The following SLIT3 variants were observed in gnomAD, a reference collection of about 807,000 sequenced individuals.
SLIT3 encodes the protein slit guidance ligand 3.
In SLIT3, 68 loss-of-function variants were observed where a neutral mutation model predicts 184.0. The ratio of observed to expected loss-of-function variants is 0.37; its 90% CI spans 0.30 to 0.45. The LOEUF is 0.45. Among genes scored for constraint, SLIT3 ranks in the 20% least tolerant of loss-of-function variants. The pLI is 1.00. For missense variants in SLIT3, 1,707 were observed against 2,026.0 expected, an observed-to-expected ratio of 0.84 and a Z score of 3.02; for synonymous variants, 831 against 828.6, an observed-to-expected ratio of 1.00 and a Z score of -0.05.
intron 3 of SLIT3, among the ~76,000 whole-genome samples, chr5:169,215,637 G>A (rs1764410627): frequency 6.6e-6 from 1 of 152,170 alleles, no homozygotes; most frequent in Admixed American, 6.5e-5. Flanking sequence ...GGCCAAATTT[G>A]GCCCATGGCT....
intron 3 of SLIT3, among the ~76,000 whole-genome samples, chr5:169,224,138 C>G (rs1183514518): frequency 6.6e-6 from 1 of 152,162 alleles, no homozygotes; most frequent in Non-Finnish European, 1.5e-5. Flanking sequence ...CTCATTTAAG[C>G]TCACTGGGTC....
At chr5:168,744,714 C>A (rs1323443554) in intron 20 of SLIT3, among the ~76,000 whole-genome samples, 1 of 152,188 alleles carries the variant, frequency 6.6e-6, no homozygotes, top group African/African-American at 2.4e-5. Context: ...GCATATTTTG[C>A]TGAATATTTT....
intron 4 of SLIT3, among the ~76,000 whole-genome samples, chr5:169,050,656 C>T (rs1223994729): frequency 6.6e-6 from 1 of 151,970 alleles, no homozygotes; most frequent in Non-Finnish European, 1.5e-5. Context: ...ACCACTGCCC[C>T]CTTTGAACTG....
chr5:169,062,012 G>A (rs1349689017), intron 4 of SLIT3, among the ~76,000 whole-genome samples: 4 of 151,928 alleles, frequency 2.6e-5, no homozygotes, highest in East Asian at 1.9e-4. Context: ...GTGAAACCCC[G>A]TCTCTACTAA....
chr5:168,686,083 G>T (rs1582528212), intron 30 of SLIT3, among the ~76,000 whole-genome samples, 156 bp from the exon 31 acceptor site: 1 of 152,224 alleles, frequency 6.6e-6, no homozygotes, highest in Non-Finnish European at 1.5e-5. Context: ...ACTAACCGGG[G>T]CAAGACCTTT....
chr5:168,692,561 A>C, intron 29 of SLIT3, 46 bp downstream of exon 29: 1 of 1,357,486 alleles, frequency 7.4e-7, no homozygotes, highest in Non-Finnish European at 1.1e-6. Flanking sequence ...TGTTAGAGGC[A>C]GAGTTTTCAT....
intron 4 of SLIT3, among the ~76,000 whole-genome samples, chr5:168,980,736 A>G (rs1205619585): frequency 6.6e-6 from 1 of 152,246 alleles, no homozygotes; most frequent in East Asian, 1.9e-4. Flanking sequence ...AACACTATTG[A>G]TAACAGCAGA....
intron 4 of SLIT3, among the ~76,000 whole-genome samples, chr5:169,152,822 G>C (rs550282462): frequency 6.6e-6 from 1 of 152,180 alleles, no homozygotes; most frequent in Non-Finnish European, 1.5e-5. Flanking sequence ...GTGAGGGGCT[G>C]TAATGACACC....
chr5:168,744,500 AGAG>A (rs1337783077), intron 20 of SLIT3, among the ~76,000 whole-genome samples: 4 of 152,318 alleles, frequency 2.6e-5, no homozygotes, highest in African/African-American at 4.8e-5. Context: ...TCACAGATAG[AGAG>A]GAGAAGTCAA....
intron 3 of SLIT3, among the ~76,000 whole-genome samples, chr5:169,211,718 C>A (rs1274592078): frequency 6.6e-6 from 1 of 152,154 alleles, no homozygotes; most frequent in East Asian, 1.9e-4. Context: ...TATACACGTG[C>A]CTTGGGGGGT....
chr5:169,239,248 T>G (rs1765310333), intron 3 of SLIT3, among the ~76,000 whole-genome samples: 1 of 152,200 alleles, frequency 6.6e-6, no homozygotes, highest in Admixed American at 6.5e-5. Flanking sequence ...TTGCTAGTAT[T>G]TTGTTAGGAA....
At chr5:168,869,573 A>T (rs1357343801) in intron 5 of SLIT3, among the ~76,000 whole-genome samples, 2 of 152,186 alleles carry the variant, frequency 1.3e-5, no homozygotes, top group African/African-American at 4.8e-5. Context: ...ACATGTCGGC[A>T]GTGGGGAGAT....
intron 9 of SLIT3, among the ~76,000 whole-genome samples, chr5:168,799,690 G>C (rs201287038): frequency 0.08 from 12,110 of 151,854 alleles, 597 homozygotes; most frequent in Middle Eastern, 0.16. Context: ...GGAAACATTG[G>C]TGGTGGTGGT....
chr5:168,817,267 C>T (rs374945023), intron 8 of SLIT3, 33 bp downstream of exon 8: 2 of 1,609,214 alleles, frequency 1.2e-6, no homozygotes, highest in African/African-American at 2.7e-5. Context: ...TGGGTCATAG[C>T]ACAGGAGGGG....
intron 1 of SLIT3, among the ~76,000 whole-genome samples, chr5:169,270,091 C>A (rs970658358): frequency 6.6e-6 from 1 of 152,214 alleles, no homozygotes; most frequent in Non-Finnish European, 1.5e-5. Flanking sequence ...CTCCCGCCCT[C>A]TCCTCAGCCA....
chr5:168,696,514 G>C, intron 27 of SLIT3, 83 bp from the exon 28 acceptor site: 1 of 1,516,652 alleles, frequency 6.6e-7, no homozygotes, highest in Non-Finnish European at 9.1e-7. Context: ...GAAGACACGG[G>C]TGGGAAATAC....
At chr5:168,842,809 T>C (rs1157098207) in intron 6 of SLIT3, among the ~76,000 whole-genome samples, 2 of 152,214 alleles carry the variant, frequency 1.3e-5, no homozygotes, top group African/African-American at 4.8e-5. Context: ...AGCTGTTTCG[T>C]GGCAGCTGGT....
At chr5:168,843,015 A>T (rs1011322733) in intron 6 of SLIT3, among the ~76,000 whole-genome samples, 1 of 152,198 alleles carries the variant, frequency 6.6e-6, no homozygotes, top group African/African-American at 2.4e-5. Flanking sequence ...TTGGGCTGGC[A>T]TCCTCTCTCT....
chr5:169,209,635 C>T (rs147869110), intron 3 of SLIT3, among the ~76,000 whole-genome samples: 10,460 of 152,188 alleles, frequency 0.069, 447 homozygotes, highest in South Asian at 0.12. Context: ...GATTAGTTCA[C>T]ATCCTTTGCA....
Sources: gnomAD v4.1 joint callset for allele counts (sites outside exome capture counted in the v4.1 genomes callset) on GRCh38, gnomAD v4.1.1 for gene constraint, MANE v1.5 for transcripts, NCBI Gene and HGNC (gene_info 2026-07-23, HGNC 2026-07-21) for gene names.